The following DAB1 variants were observed in gnomAD, a reference collection of about 807,000 sequenced individuals.
DAB1 encodes the protein DAB adaptor protein 1, also known as disabled homolog 1.
A neutral mutation model predicts 64.6 loss-of-function variants in DAB1; 15 were observed. The ratio of observed to expected loss-of-function variants is 0.23; its 90% CI spans 0.16 to 0.36. The LOEUF (loss-of-function observed/expected upper bound fraction) is 0.36. Ranked by LOEUF, DAB1 falls within the 10% of genes least tolerant of loss-of-function variation. The pLI is 1.00. For missense variants in DAB1, 596 were observed against 706.7 expected (o/e 0.84, Z 1.78); for synonymous variants, 235 against 251.9 (o/e 0.93, Z 0.64).
intron 4 of DAB1, among the ~76,000 whole-genome samples, chr1:58,164,399 A>G (rs1655710318): frequency 6.6e-6 from 1 of 152,186 alleles, no homozygotes; most frequent in Non-Finnish European, 1.5e-5. Flanking sequence ...AGCAAAGAAC[A>G]TATCAAAATA....
chr1:57,453,772 T>C (rs942841410), intron 7 of DAB1, among the ~76,000 whole-genome samples: 1 of 152,212 alleles, frequency 6.6e-6, no homozygotes, highest in East Asian at 1.9e-4. Context: ...AAGATGTAAG[T>C]GCATTATATG....
intron 2 of DAB1, among the ~76,000 whole-genome samples, chr1:57,189,718 T>C (rs1483572001): frequency 6.6e-6 from 1 of 151,710 alleles, no homozygotes; most frequent in Non-Finnish European, 1.5e-5. Flanking sequence ...GGATGGATGG[T>C]CACAGGCCTT....
chr1:57,256,282 T>C lies in DAB1; in HGVS notation c.67+34682A>G, dbSNP rs771515594. ...ATCAGAGATCACAAAAGTTGTTAAA[T>C]TGTGGATGTTAATTAGAATAGAGAC... On this transcript the variant is annotated intron_variant, in intron 2 of 14. Coordinates refer to ENST00000371236, the MANE Select transcript of DAB1 (RefSeq NM_001365792.1). 1.8e-4 allele frequency among the ~76,000 whole-genome samples: 27 copies of C among 152,332 alleles called. 1 individual carries two copies. Among genetic ancestry groups the C allele is most frequent in the Non-Finnish European group, 3.8e-4 (26 of 68,030 alleles).
At chr1:57,421,917 CG>C (rs200226853) in intron 1 of DAB1, among the ~76,000 whole-genome samples, 330 of 6,812 alleles carry the variant, frequency 0.048, 9 homozygotes, top group African/African-American at 0.099. Context: ...GGGGGGGTGG[CG>C]GGGGGGGGTG....
At chr1:57,651,825 C>T (rs1190292705) in intron 6 of DAB1, among the ~76,000 whole-genome samples, 1 of 152,174 alleles carries the variant, frequency 6.6e-6, no homozygotes, top group Non-Finnish European at 1.5e-5. Context: ...TTTAATCCTC[C>T]TCATATTTGT....
intron 1 of DAB1, among the ~76,000 whole-genome samples, chr1:57,418,660 C>T (rs1019402611): frequency 6.6e-6 from 1 of 152,164 alleles, no homozygotes; most frequent in Non-Finnish European, 1.5e-5. Flanking sequence ...GTCATCTCTT[C>T]TATTCAGCAG....
At chr1:57,427,114 C>T (rs1284522409), upstream of DAB1, among the ~76,000 whole-genome samples, 1 of 152,114 alleles carries the variant, frequency 6.6e-6, no homozygotes, top group Admixed American at 6.6e-5. Context: ...CCACCCGCCT[C>T]GGCCTCCCAA....
intron 4 of DAB1, among the ~76,000 whole-genome samples, chr1:58,268,144 C>T (rs748618536): frequency 1.3e-5 from 2 of 152,076 alleles, no homozygotes; most frequent in Non-Finnish European, 2.9e-5. Flanking sequence ...GTTTCCTCAC[C>T]TATAAATTTG....
At chr1:57,021,947 C>T (rs548465359) in intron 11 of DAB1, among the ~76,000 whole-genome samples, 9 of 152,284 alleles carry the variant, frequency 5.9e-5, no homozygotes, top group African/African-American at 1.9e-4. Flanking sequence ...CACCTGCCCT[C>T]TGCCTGCACT....
intron 5 of DAB1, among the ~76,000 whole-genome samples, chr1:58,132,111 C>T (rs1570397074): frequency 6.6e-6 from 1 of 152,168 alleles, no homozygotes; most frequent in African/African-American, 2.4e-5. Flanking sequence ...ATCAGCGAGA[C>T]TCCGTGGGCG....
chr1:57,047,382 T>C (rs974646362), intron 9 of DAB1, among the ~76,000 whole-genome samples: 9 of 152,088 alleles, frequency 5.9e-5, no homozygotes, highest in African/African-American at 2.4e-5. Flanking sequence ...GTGAAAGTAT[T>C]TGGAGATGGG....
chr1:57,000,193 A>C (rs1395582259), intron 14 of DAB1, among the ~76,000 whole-genome samples: 1 of 151,708 alleles, frequency 6.6e-6, no homozygotes, highest in Non-Finnish European at 1.5e-5. Flanking sequence ...ACAGGTGCCC[A>C]CCACCACGCC....
chr1:57,103,882 G>A (rs1187046504), intron 4 of DAB1, among the ~76,000 whole-genome samples: 1 of 152,106 alleles, frequency 6.6e-6, no homozygotes, highest in Admixed American at 6.5e-5. Context: ...ATGTTGGGAG[G>A]CTGGGTGACA....
chr1:58,209,098 A>G (rs1489829106), intron 4 of DAB1, among the ~76,000 whole-genome samples: 1 of 152,202 alleles, frequency 6.6e-6, no homozygotes, highest in Non-Finnish European at 1.5e-5. Context: ...TTCACTGAAC[A>G]GCTTAGACAA....
At chr1:57,267,770 C>T (rs1441164671) in intron 2 of DAB1, among the ~76,000 whole-genome samples, 2 of 152,136 alleles carry the variant, frequency 1.3e-5, no homozygotes, top group East Asian at 1.9e-4. Flanking sequence ...GATAAATGCC[C>T]ACTCCAAAAC....
chr1:57,258,220 G>A (rs1352846349), intron 2 of DAB1, among the ~76,000 whole-genome samples: 5 of 152,140 alleles, frequency 3.3e-5, no homozygotes, highest in African/African-American at 4.8e-5. Flanking sequence ...CAGTAGGGAC[G>A]CAAGCATTAG....
intron 7 of DAB1, among the ~76,000 whole-genome samples, chr1:57,562,206 C>G (rs1645060540): frequency 6.6e-6 from 1 of 152,146 alleles, no homozygotes; most frequent in Non-Finnish European, 1.5e-5. Context: ...AACCCCATCT[C>G]TACTAAAAAT....
chr1:57,553,418 G>GAAAAAGAAAGAAAGAAAGAA (rs1306662703), intron 7 of DAB1, among the ~76,000 whole-genome samples: 765 of 12,778 alleles, frequency 0.06, 50 homozygotes, highest in South Asian at 0.32. Context: ...AAGAAAGAAA[G>GAAAAAGAAAGAAAGAAAGAA]AAAGAAAGAA....
intron 3 of DAB1, among the ~76,000 whole-genome samples, chr1:58,452,389 G>C (rs1348574568): frequency 6.6e-6 from 1 of 151,628 alleles, no homozygotes; most frequent in African/African-American, 2.4e-5. Flanking sequence ...ATAACCCTAT[G>C]AAAATGGCTA....
Sources: gnomAD v4.1 joint callset for allele counts (sites outside exome capture counted in the v4.1 genomes callset) on GRCh38, gnomAD v4.1.1 for gene constraint, MANE v1.5 for transcripts, NCBI Gene and HGNC (gene_info 2026-07-23, HGNC 2026-07-21) for gene names.